The following SGCZ variants were observed in gnomAD, a reference collection of about 807,000 sequenced individuals.
SGCZ encodes zeta-sarcoglycan.
SGCZ carries 40 observed loss-of-function variants against 41.3 expected under a neutral mutation model. The observed-to-expected ratio is 0.97, with a 90% CI of 0.75 to 1.26. The LOEUF (loss-of-function observed/expected upper bound fraction) is 1.26. Among genes scored for constraint, SGCZ ranks in the 50% most tolerant of loss-of-function variants. The pLI is 0.00. For synonymous variants in SGCZ, 206 were observed against 137.5 expected (o/e 1.50, Z -3.49); for missense variants, 552 against 369.8 (o/e 1.49, Z -4.04).
chr8:14,595,400 A>ACAC (rs1554459945), intron 1 of SGCZ, among the ~76,000 whole-genome samples: 5 of 136,314 alleles, frequency 3.7e-5, no homozygotes, highest in African/African-American at 5.6e-5. Flanking sequence ...AACATGCACA[A>ACAC]ACACACACAC....
intron 1 of SGCZ, among the ~76,000 whole-genome samples, chr8:14,728,950 T>C (rs192710634): frequency 6.6e-6 from 1 of 152,194 alleles, no homozygotes; most frequent in Non-Finnish European, 1.5e-5. Flanking sequence ...TCTGCCTATG[T>C]TCCTTTCATG....
intron 1 of SGCZ, among the ~76,000 whole-genome samples, chr8:15,178,420 T>A (rs1800063909): frequency 6.6e-6 from 1 of 152,158 alleles, no homozygotes; most frequent in South Asian, 2.1e-4. Flanking sequence ...ATGTAGCGAA[T>A]GGGACTCATG....
chr8:14,389,673 A>C (rs1004149185), intron 2 of SGCZ, among the ~76,000 whole-genome samples: 1 of 151,988 alleles, frequency 6.6e-6, no homozygotes, highest in African/African-American at 2.4e-5. Flanking sequence ...TGTTTTAGTA[A>C]GAAGAAAAAT....
At chr8:14,726,311 C>CATACATATATATATATATAT (rs1428195927) in intron 1 of SGCZ, among the ~76,000 whole-genome samples, 3 of 107,666 alleles carry the variant, frequency 2.8e-5, no homozygotes, top group South Asian at 3.0e-4. Context: ...TGTGTAAATA[C>CATACATATATATATATATAT]ATATATATAT....
intron 4 of SGCZ, among the ~76,000 whole-genome samples, chr8:14,237,291 T>A (rs1451867340): frequency 6.6e-6 from 1 of 151,990 alleles, no homozygotes; most frequent in Non-Finnish European, 1.5e-5. Flanking sequence ...CTATGACAAG[T>A]CAAATCATGT....
chr8:14,408,712 T>A (rs1478211121), intron 2 of SGCZ, among the ~76,000 whole-genome samples: 1 of 152,114 alleles, frequency 6.6e-6, no homozygotes, highest in East Asian at 1.9e-4. Flanking sequence ...CTGCATGGCA[T>A]CTTATTTATC....
chr8:14,913,507 A>G lies in SGCZ; in HGVS notation c.39+324078T>C, dbSNP rs145118783. Among the ~76,000 whole-genome samples, 852 of 152,172 alleles carry G rather than the reference A, an allele frequency of 5.6e-3. 9 individuals are homozygous for G. The highest frequency in any genetic ancestry group is 0.019 in the African/African-American group (794 of 41,540). On this transcript the variant is annotated intron_variant, in intron 1 of 7. Transcript: ENST00000382080. ...AAGCATAATATCTTTGTTCATAATA[A>G]ACTTTTATTATGTAGGCCTAAAAAG...
chr8:14,550,698 C>A (rs1416257712), intron 2 of SGCZ, among the ~76,000 whole-genome samples: 1 of 151,916 alleles, frequency 6.6e-6, no homozygotes, highest in Admixed American at 6.6e-5. Context: ...AATAGGAGAC[C>A]TGGGATTGCT....
chr8:14,707,728 G>T (rs935514840), intron 1 of SGCZ, among the ~76,000 whole-genome samples: 3 of 152,090 alleles, frequency 2.0e-5, no homozygotes, highest in Admixed American at 6.5e-5. Flanking sequence ...ACAATTGTTA[G>T]AAAGAATAAT....
intron 1 of SGCZ, among the ~76,000 whole-genome samples, chr8:14,805,951 G>C (rs1205067876): frequency 1.3e-5 from 2 of 150,350 alleles, no homozygotes; most frequent in African/African-American, 4.9e-5. Flanking sequence ...CAACTACATG[G>C]AAACTGAACA....
intron 2 of SGCZ, among the ~76,000 whole-genome samples, chr8:14,529,444 G>T (rs561128620): frequency 6.6e-6 from 1 of 152,124 alleles, no homozygotes; most frequent in African/African-American, 2.4e-5. Flanking sequence ...TTTAGCATCT[G>T]TTCCTAACTC....
chr8:14,441,358 C>T (rs575285400), intron 2 of SGCZ, among the ~76,000 whole-genome samples: 19 of 152,230 alleles, frequency 1.2e-4, no homozygotes, highest in African/African-American at 4.3e-4. Context: ...AGGTGGATCA[C>T]GAGGTCAAGA....
At chr8:14,635,343 A>T (rs1250946020) in intron 1 of SGCZ, among the ~76,000 whole-genome samples, 1 of 151,950 alleles carries the variant, frequency 6.6e-6, no homozygotes, top group Non-Finnish European at 1.5e-5. Context: ...AAATATATCC[A>T]ACTATATTCT....
chr8:14,591,546 G>A (rs1354500562), intron 1 of SGCZ, among the ~76,000 whole-genome samples: 1 of 151,980 alleles, frequency 6.6e-6, no homozygotes, highest in Non-Finnish European at 1.5e-5. Flanking sequence ...AATAGTTTGT[G>A]ATGTAAGCAC....
At chr8:15,129,385 C>G (rs1003401021) in intron 1 of SGCZ, among the ~76,000 whole-genome samples, 13 of 152,068 alleles carry the variant, frequency 8.5e-5, no homozygotes, top group Non-Finnish European at 1.6e-4. Flanking sequence ...CCTTCCTATC[C>G]TCAAACTCAT....
chr8:14,930,231 GA>G (rs1201826976), intron 1 of SGCZ, among the ~76,000 whole-genome samples: 1 of 151,920 alleles, frequency 6.6e-6, no homozygotes, highest in East Asian at 1.9e-4. Flanking sequence ...ACAAACATAT[GA>G]AAAAAAGCTC....
intron 1 of SGCZ, among the ~76,000 whole-genome samples, chr8:15,026,291 G>T (rs188688661): frequency 6.6e-6 from 1 of 152,268 alleles, no homozygotes; most frequent in East Asian, 1.9e-4. Flanking sequence ...TAGGATGATA[G>T]AAGGAACATA....
intron 1 of SGCZ, among the ~76,000 whole-genome samples, chr8:14,659,650 C>A (rs1585161424): frequency 6.6e-6 from 1 of 152,054 alleles, no homozygotes; most frequent in South Asian, 2.1e-4. Flanking sequence ...TTGGAAACCC[C>A]CTTTTATCTA....
intron 1 of SGCZ, among the ~76,000 whole-genome samples, chr8:15,021,903 C>G (rs997028292): frequency 2.6e-5 from 4 of 152,318 alleles, no homozygotes; most frequent in African/African-American, 7.2e-5. Context: ...AATATACTGT[C>G]TCTTTTTGAC....
Sources: allele counts gnomAD v4.1 joint callset (sites outside exome capture counted in the v4.1 genomes callset), GRCh38; gene constraint gnomAD v4.1.1; transcripts MANE v1.5; gene names NCBI Gene and HGNC (gene_info 2026-07-23, HGNC 2026-07-21).